The following ARHGAP26 variants were observed in gnomAD, a reference collection of about 807,000 sequenced individuals.
ARHGAP26 encodes the protein rho GTPase-activating protein 26.
Under a neutral mutation model 104.8 loss-of-function variants are expected in ARHGAP26, and 38 were observed. That is an observed-to-expected ratio of 0.36 (90% CI 0.28 to 0.48). The LOEUF (loss-of-function observed/expected upper bound fraction) is 0.48. Among genes scored for constraint, ARHGAP26 ranks in the 20% least tolerant of loss-of-function variants. ARHGAP26 has a pLI of 0.99. For missense variants in ARHGAP26, 704 were observed against 947.9 expected, an observed-to-expected ratio of 0.74 and a Z score of 3.38; for synonymous variants, 341 against 340.0, an observed-to-expected ratio of 1.00 and a Z score of -0.03.
At chr5:143,011,579 C>A (rs1352514521) in intron 11 of ARHGAP26, among the ~76,000 whole-genome samples, 1 of 152,110 alleles carries the variant, frequency 6.6e-6, no homozygotes, top group Admixed American at 6.5e-5. Context: ...CTTTTCAAAG[C>A]CGCTATGCCC....
chr5:143,044,841 C>T (rs559376334), intron 14 of ARHGAP26, among the ~76,000 whole-genome samples: 1 of 152,058 alleles, frequency 6.6e-6, no homozygotes, highest in South Asian at 2.1e-4. Context: ...CAAGGCAAAC[C>T]CTATCAAAGA....
At chr5:142,839,901 A>AGGGGG (rs1770410545) in intron 1 of ARHGAP26, among the ~76,000 whole-genome samples, 1 of 24,276 alleles carries the variant, frequency 4.1e-5, no homozygotes, top group Admixed American at 6.2e-4. Flanking sequence ...AGAGGAGGGG[A>AGGGGG]GGGGAGGGGA....
chr5:143,006,316 C>CTGTTTTTTTTTTT (rs772059084), intron 11 of ARHGAP26, among the ~76,000 whole-genome samples: 2 of 112,858 alleles, frequency 1.8e-5, no homozygotes, highest in Non-Finnish European at 3.8e-5. Flanking sequence ...AGTGTTTTTT[C>CTGTTTTTTTTTTT]TTTTTTTTTT....
At chr5:142,921,222 T>C (rs1230157679) in intron 10 of ARHGAP26, among the ~76,000 whole-genome samples, 1 of 152,202 alleles carries the variant, frequency 6.6e-6, no homozygotes, top group Non-Finnish European at 1.5e-5. Flanking sequence ...AAGCTTTTCT[T>C]TGTATTGGTT....
In ARHGAP26 at chr5:143,150,999, A is replaced by G. The variant is rs192457062; in HGVS notation, c.1988+3618A>G. On this transcript the variant is annotated intron_variant, in intron 20 of 22. Coordinates refer to ENST00000645722, the MANE Select transcript of ARHGAP26 (RefSeq NM_001135608.3). ...AAAAGACAAGCCACACACTAGGAGA[A>G]AATATTTGCAAAACACATATCTGAT... 2.0e-5 allele frequency among the ~76,000 whole-genome samples: 3 copies of G among 152,350 alleles called. No individual in the cohort carries two copies. The East Asian group carries it at 5.8e-4, about 29-fold the overall frequency.
At chr5:143,212,350 T>C (rs1253023577) in intron 21 of ARHGAP26, among the ~76,000 whole-genome samples, 2 of 83,806 alleles carry the variant, frequency 2.4e-5, no homozygotes, top group Admixed American at 2.5e-4. Flanking sequence ...TCCCAGCCTC[T>C]CAAGAAAAAA....
At chr5:142,960,186 G>A (rs1769981869) in intron 11 of ARHGAP26, among the ~76,000 whole-genome samples, 1 of 152,272 alleles carries the variant, frequency 6.6e-6, no homozygotes, top group South Asian at 2.1e-4. Context: ...TAAAAGCACA[G>A]TGATCTGGGT....
chr5:143,081,353 G>C (rs1472124614), intron 17 of ARHGAP26, among the ~76,000 whole-genome samples: 1 of 152,164 alleles, frequency 6.6e-6, no homozygotes, highest in African/African-American at 2.4e-5. Context: ...TTCTAGTCAG[G>C]ACTCACACCA....
At chr5:143,215,832 T>C (rs534044779) in intron 22 of ARHGAP26, among the ~76,000 whole-genome samples, 4 of 152,386 alleles carry the variant, frequency 2.6e-5, no homozygotes, top group East Asian at 3.9e-4. Flanking sequence ...GGTATGGATA[T>C]AGCACATTTT....
intron 20 of ARHGAP26, among the ~76,000 whole-genome samples, chr5:143,193,281 T>C (rs1806241509): frequency 3.0e-5 from 4 of 133,550 alleles, no homozygotes; most frequent in African/African-American, 1.2e-4. Flanking sequence ...AGAGTCTCGC[T>C]CTGTCACCCA....
At chr5:143,210,688 C>T (rs1440995110) in intron 21 of ARHGAP26, among the ~76,000 whole-genome samples, 1 of 152,242 alleles carries the variant, frequency 6.6e-6, no homozygotes, top group African/African-American at 2.4e-5. Flanking sequence ...TTCCACCTGC[C>T]AGTCTAGCTG....
At chr5:143,024,739 A>T (rs1425158400) in intron 12 of ARHGAP26, among the ~76,000 whole-genome samples, 1 of 152,164 alleles carries the variant, frequency 6.6e-6, no homozygotes, top group African/African-American at 2.4e-5. Context: ...GAAAACTGAG[A>T]CTTCATTCTG....
chr5:142,930,237 G>A (rs1764514991), intron 10 of ARHGAP26, among the ~76,000 whole-genome samples: 1 of 152,194 alleles, frequency 6.6e-6, no homozygotes, highest in South Asian at 2.1e-4. Context: ...TTGGTCTTTA[G>A]AGAAAGGTGG....
At chr5:142,879,329 A>G in intron 3 of ARHGAP26, 45 bp from the exon 4 acceptor site, 7 of 1,565,640 alleles carry the variant, frequency 4.5e-6, no homozygotes, top group Non-Finnish European at 6.2e-6. Flanking sequence ...CTTTACTGAT[A>G]CTGCTTTTGT....
intron 20 of ARHGAP26, among the ~76,000 whole-genome samples, chr5:143,154,645 A>T (rs1238167824): frequency 6.6e-6 from 1 of 152,126 alleles, no homozygotes; most frequent in East Asian, 1.9e-4. Context: ...AGTGAAGAGG[A>T]GGAAGGAACT....
At chr5:142,949,285 C>T (rs1344928388) in intron 11 of ARHGAP26, among the ~76,000 whole-genome samples, 1 of 138,480 alleles carries the variant, frequency 7.2e-6, no homozygotes, top group Non-Finnish European at 1.5e-5. Flanking sequence ...CACTACCGTC[C>T]AGTTTTTGTT....
chr5:142,813,023 C>T (rs548221939), intron 1 of ARHGAP26, among the ~76,000 whole-genome samples: 21 of 150,788 alleles, frequency 1.4e-4, no homozygotes, highest in South Asian at 2.1e-4. Flanking sequence ...CTGCAAGCTC[C>T]GCCTCCTGGG....
Position 142,913,182 on chromosome 5 carries a change from CTG to C in ARHGAP26, c.934-11_934-10del. The C allele has an allele frequency of 6.2e-7, 1 of 1,609,358 alleles. No individual in the cohort carries two copies. Among genetic ancestry groups the C allele is most frequent in the Non-Finnish European group, 8.5e-7 (1 of 1,175,710 alleles). ...CCCATTCTGGCCTCATCTTGATAGT[CTG>C]TGTGTTCCCACTAGGGAGAAGATGA... On this transcript the variant is annotated splice_polypyrimidine_tract_variant and intron_variant, in intron 9 of 22. Transcript: ENST00000645722.
At chr5:143,080,026 T>C (rs1789575261) in intron 17 of ARHGAP26, among the ~76,000 whole-genome samples, 1 of 152,160 alleles carries the variant, frequency 6.6e-6, no homozygotes. Context: ...TGGGGGACCT[T>C]ACACTATTCA....
Sources: allele counts gnomAD v4.1 joint callset (sites outside exome capture counted in the v4.1 genomes callset), GRCh38; gene constraint gnomAD v4.1.1; transcripts MANE v1.5; gene names NCBI Gene and HGNC (gene_info 2026-07-23, HGNC 2026-07-21).